The following CIB4 variants were observed in gnomAD, a reference collection of about 807,000 sequenced individuals.
CIB4 encodes the protein calcium and integrin-binding family member 4.
CIB4 carries 25 observed loss-of-function variants against 25.8 expected under a neutral mutation model. The observed-to-expected ratio is 0.97, with a 90% CI of 0.71 to 1.35. CIB4 has a LOEUF of 1.35. CIB4 is among the 40% of genes most tolerant of loss of function. The pLI, the probability that CIB4 is intolerant of heterozygous loss-of-function variation, is 0.00. For synonymous variants in CIB4, 75 were observed against 81.4 expected (o/e 0.92, Z 0.42); for missense variants, 235 against 228.2 (o/e 1.03, Z -0.19).
intron 3 of CIB4, among the ~76,000 whole-genome samples, chr2:26,607,517 C>T (rs1668914419): frequency 6.6e-6 from 1 of 152,176 alleles, no homozygotes; most frequent in Admixed American, 6.5e-5. Flanking sequence ...TATTCAAATT[C>T]CTAGATAACA....
intron 3 of CIB4, among the ~76,000 whole-genome samples, chr2:26,602,524 A>C (rs1668811840): frequency 6.6e-6 from 1 of 152,248 alleles, no homozygotes; most frequent in Non-Finnish European, 1.5e-5. Flanking sequence ...GTACTGGATT[A>C]GTCAGAGACA....
chr2:26,623,356 A>G (rs1196217922), intron 3 of CIB4: 1 of 218,374 alleles, frequency 4.6e-6, no homozygotes, highest in Non-Finnish European at 9.8e-6. Flanking sequence ...ATAAATAAAT[A>G]AATAATAAAA....
intron 2 of CIB4, among the ~76,000 whole-genome samples, chr2:26,630,932 A>T (rs1460996472): frequency 6.6e-6 from 1 of 151,640 alleles, no homozygotes; most frequent in Non-Finnish European, 1.5e-5. Flanking sequence ...GGAGCCCACC[A>T]CCCTGACCCA....
chr2:26,586,132 G>T (rs1007096004), intron 4 of CIB4, among the ~76,000 whole-genome samples: 1 of 152,116 alleles, frequency 6.6e-6, no homozygotes, highest in African/African-American at 2.4e-5. Flanking sequence ...CTCTGCCCCC[G>T]GAAGTCTATT....
At chr2:26,606,018 G>C (rs1395075816) in intron 3 of CIB4, among the ~76,000 whole-genome samples, 1 of 152,212 alleles carries the variant, frequency 6.6e-6, no homozygotes, top group Non-Finnish European at 1.5e-5. Flanking sequence ...CAGTTACTCA[G>C]AGAACAGGCC....
At chr2:26,591,836 G>A (rs542711201) in intron 4 of CIB4, among the ~76,000 whole-genome samples, 3 of 152,336 alleles carry the variant, frequency 2.0e-5, no homozygotes, top group African/African-American at 2.4e-5. Context: ...GGCAGCCTCC[G>A]GCTGAGAGCC....
At chr2:26,635,131 C>T (rs1275383937) in intron 2 of CIB4, among the ~76,000 whole-genome samples, 1 of 152,328 alleles carries the variant, frequency 6.6e-6, no homozygotes, top group Admixed American at 6.5e-5. Flanking sequence ...AATGCTGCCC[C>T]GATGCTAGGG....
intron 3 of CIB4, among the ~76,000 whole-genome samples, chr2:26,613,924 G>A (rs577876479): frequency 6.6e-6 from 1 of 152,356 alleles, no homozygotes; most frequent in South Asian, 2.1e-4. Context: ...AGCAGAGGCC[G>A]CTGACACCGG....
intron 3 of CIB4, among the ~76,000 whole-genome samples, chr2:26,607,657 C>T (rs1668916297): frequency 6.6e-6 from 1 of 152,176 alleles, no homozygotes; most frequent in Admixed American, 6.5e-5. Context: ...CTGCCAGGAC[C>T]CGGATAAACA....
At chr2:26,593,189 C>A (rs1388262859) in intron 4 of CIB4, among the ~76,000 whole-genome samples, 1 of 152,160 alleles carries the variant, frequency 6.6e-6, no homozygotes, top group Non-Finnish European at 1.5e-5. Context: ...TATGCTACCG[C>A]CTTTCCTAGC....
intron 2 of CIB4, among the ~76,000 whole-genome samples, chr2:26,631,640 A>G (rs1304997207): frequency 6.6e-6 from 1 of 152,114 alleles, no homozygotes; most frequent in Non-Finnish European, 1.5e-5. Context: ...CTAGAAAAAC[A>G]TCCTTCAGCT....
In CIB4 at chr2:26,629,085, AGATGG is replaced by A. The variant is rs142846594; in HGVS notation, c.186+320_186+324del. On this transcript the variant is annotated intron_variant, in intron 3 of 6. Transcript: ENST00000288861. Reference sequence around the variant, plus strand: ...AGCAGCAGGGCCAGTGAGCACCTCCAGATGGGGCCGCCACCTCCCACGGTAAGGCC... The same window carrying A: ...AGCAGCAGGGCCAGTGAGCACCTCCAGGCCGCCACCTCCCACGGTAAGGCC... 2.4e-3 allele frequency among the ~76,000 whole-genome samples: 367 copies of A among 152,314 alleles called. 3 individuals are homozygous for A. Among genetic ancestry groups the A allele is most frequent in the African/African-American group, 8.3e-3 (344 of 41,570 alleles).
At chr2:26,622,610 T>A (rs760074867) in intron 3 of CIB4, among the ~76,000 whole-genome samples, 1 of 152,078 alleles carries the variant, frequency 6.6e-6, no homozygotes, top group Non-Finnish European at 1.5e-5. Context: ...TGAAAATAGT[T>A]GCCTTTGAGA....
At chr2:26,589,039 T>C (rs868505265) in intron 4 of CIB4, among the ~76,000 whole-genome samples, 59 of 45,716 alleles carry the variant, frequency 1.3e-3, no homozygotes, top group African/African-American at 4.0e-3. Context: ...CTTCTTCTTC[T>C]TCTTCTTCTT....
chr2:26,599,578 A>G (rs773667480), intron 3 of CIB4, among the ~76,000 whole-genome samples: 3 of 152,202 alleles, frequency 2.0e-5, no homozygotes, highest in Admixed American at 6.5e-5. Context: ...TAGTGACTCA[A>G]TGATGATGTC....
chr2:26,583,934 C>G lies in CIB4; in HGVS notation c.329-36G>C, dbSNP rs1230898321. ...GAGGCCAGGCCTGCATTAGACGGAG[C>G]TGGGGGCTAAACAGGAAGAGGACTT... On this transcript the variant is annotated intron_variant, in intron 4 of 6. Transcript: ENST00000288861. The G allele has an allele frequency of 2.2e-6, 3 of 1,374,168 alleles. No individual in the cohort carries two copies. In the African/African-American group the frequency reaches 4.2e-5, roughly 19 times the overall value. 85.1% of individuals were successfully genotyped at this position (1,374,168 alleles called of 1,614,324 possible).
chr2:26,623,953 C>A (rs1669252859), intron 3 of CIB4, among the ~76,000 whole-genome samples: 1 of 152,202 alleles, frequency 6.6e-6, no homozygotes, highest in Non-Finnish European at 1.5e-5. Context: ...TGAGCTAATA[C>A]ACTTTTAAAT....
chr2:26,620,716 C>A (rs2148217446), intron 3 of CIB4, among the ~76,000 whole-genome samples: 1 of 152,296 alleles, frequency 6.6e-6, no homozygotes, highest in Middle Eastern at 3.4e-3. Context: ...TTTTTAGCAA[C>A]CACCCTTCAG....
intron 3 of CIB4, among the ~76,000 whole-genome samples, chr2:26,614,014 T>C (rs1376996284): frequency 6.6e-6 from 1 of 152,088 alleles, no homozygotes; most frequent in East Asian, 1.9e-4. Flanking sequence ...GGGCGTCTCC[T>C]CCCTGTGGAG....
Sources: gnomAD v4.1 joint callset for allele counts (sites outside exome capture counted in the v4.1 genomes callset) on GRCh38, gnomAD v4.1.1 for gene constraint, MANE v1.5 for transcripts, NCBI Gene and HGNC (gene_info 2026-07-23, HGNC 2026-07-21) for gene names.